The following GABRG3 variants were observed in gnomAD, a reference collection of about 807,000 sequenced individuals.
GABRG3 encodes the protein gamma-aminobutyric acid receptor subunit gamma-3.
A neutral mutation model predicts 48.8 loss-of-function variants in GABRG3; 25 were observed. The observed-to-expected ratio is 0.51, with a 90% confidence interval of 0.37 to 0.72. The LOEUF is 0.72. Among genes scored for constraint, GABRG3 ranks in the 30% least tolerant of loss-of-function variants. The probability of loss-of-function intolerance (pLI) is 0.00; values close to 1 mark genes in which losing one functional copy is unlikely to be tolerated. For missense variants in GABRG3, 394 were observed against 577.9 expected, an observed-to-expected ratio of 0.68 and a Z score of 3.26; for synonymous variants, 227 against 217.6, an observed-to-expected ratio of 1.04 and a Z score of -0.38.
chr15:27,442,366 G>A (rs1042671785), intron 5 of GABRG3, among the ~76,000 whole-genome samples: 3 of 152,226 alleles, frequency 2.0e-5, no homozygotes. Context: ...GCAATGCCTG[G>A]GCAGTTCTGA....
At chr15:27,127,106 G>A (rs1897834500) in intron 3 of GABRG3, among the ~76,000 whole-genome samples, 1 of 152,150 alleles carries the variant, frequency 6.6e-6, no homozygotes, top group South Asian at 2.1e-4. Flanking sequence ...ACTTCTAAGT[G>A]TATATACAAA....
intron 3 of GABRG3, among the ~76,000 whole-genome samples, chr15:27,147,670 A>C (rs1355558031): frequency 1.3e-5 from 2 of 152,064 alleles, no homozygotes; most frequent in African/African-American, 4.8e-5. Flanking sequence ...CAACAGAAAG[A>C]AATTTGGAGA....
intron 3 of GABRG3, among the ~76,000 whole-genome samples, chr15:27,129,780 G>T (rs1897885026): frequency 1.3e-5 from 2 of 149,938 alleles, no homozygotes; most frequent in African/African-American, 4.9e-5. Flanking sequence ...GTTTTGATTT[G>T]CATTTTCCTA....
intron 5 of GABRG3, among the ~76,000 whole-genome samples, chr15:27,404,490 A>T (rs1156235027): frequency 6.6e-6 from 1 of 152,178 alleles, no homozygotes. Flanking sequence ...GATACCCCAC[A>T]TAGCTCTAGA....
chr15:27,247,793 GATTCCCCTT>G (rs1364477157), intron 3 of GABRG3, among the ~76,000 whole-genome samples: 1 of 152,146 alleles, frequency 6.6e-6, no homozygotes, highest in Non-Finnish European at 1.5e-5. Context: ...AGTAAAACAA[GATTCCCCTT>G]ATCAAACCAT....
intron 3 of GABRG3, among the ~76,000 whole-genome samples, chr15:27,134,862 C>T (rs1303991729): frequency 6.6e-6 from 1 of 152,186 alleles, no homozygotes; most frequent in African/African-American, 2.4e-5. Context: ...TCCCCTGAAG[C>T]TAGGGATCCT....
At position 27,187,535 on chromosome 15, in the gene GABRG3, AT is replaced by A. The variant is rs149982510; in HGVS notation, c.271-139273del. On this transcript the variant is annotated intron_variant, in intron 3 of 9. Coordinates refer to ENST00000615808, the MANE Select transcript of GABRG3 (RefSeq NM_033223.5). ...TTAATGATACTGACTTTTCCAATCC[AT>A]GAGCATGGGATGTTTGTCCATTTGT... Among the ~76,000 whole-genome samples the A allele has an allele frequency of 9.3e-3, 1,415 of 152,242 alleles. 15 individuals carry two copies. Among genetic ancestry groups the A allele is most frequent in the African/African-American group, 0.033 (1,362 of 41,534 alleles).
Position 27,539,328 on chromosome 15 carries a change from G to A in GABRG3, c.*6447G>A, listed in dbSNP as rs977056256. ...GCTGACATGATTTTCCTTTTGGGTG[G>A]ATTGGAGTTTTACAACTGGATTCAT... On this transcript the variant is annotated 3_prime_UTR_variant, in exon 10 of 10. Transcript: ENST00000615808. 2 of 152,176 alleles carry A rather than the reference G, an allele frequency of 1.3e-5. No individual in the cohort carries two copies. Among genetic ancestry groups the A allele is most frequent in the African/African-American group, 4.8e-5 (2 of 41,440 alleles). 9.4% of individuals were successfully genotyped at this position (152,176 alleles called of 1,614,324 possible).
intron 3 of GABRG3, among the ~76,000 whole-genome samples, chr15:27,176,326 T>C (rs1276445174): frequency 6.6e-6 from 1 of 152,216 alleles, no homozygotes; most frequent in Non-Finnish European, 1.5e-5. Flanking sequence ...ATTGTGCTTA[T>C]TAGCACCAAA....
intron 3 of GABRG3, among the ~76,000 whole-genome samples, chr15:27,111,127 A>G (rs1490694178): frequency 6.6e-6 from 1 of 151,350 alleles, no homozygotes; most frequent in Admixed American, 6.6e-5. Context: ...TGCAGTTTCT[A>G]TTTACTTATG....
chr15:27,066,235 T>G (rs1896735697), intron 3 of GABRG3, among the ~76,000 whole-genome samples: 1 of 152,220 alleles, frequency 6.6e-6, no homozygotes, highest in Non-Finnish European at 1.5e-5. Flanking sequence ...CATACAAACC[T>G]CACTCAATAC....
intron 3 of GABRG3, among the ~76,000 whole-genome samples, chr15:27,171,621 G>A (rs538434775): frequency 6.6e-6 from 1 of 151,466 alleles, no homozygotes; most frequent in South Asian, 2.1e-4. Flanking sequence ...ATAATAGAAA[G>A]AAAAATATAT....
chr15:27,422,678 G>C (rs1026317940), intron 5 of GABRG3, among the ~76,000 whole-genome samples: 2 of 152,148 alleles, frequency 1.3e-5, no homozygotes, highest in African/African-American at 4.8e-5. Flanking sequence ...GGGTTTCTTT[G>C]TCATACTGTT....
chr15:27,141,334 A>G (rs747387501), intron 3 of GABRG3, among the ~76,000 whole-genome samples: 2 of 152,190 alleles, frequency 1.3e-5, no homozygotes, highest in African/African-American at 2.4e-5. Context: ...TCCAAGGTGC[A>G]AGGAAGATTG....
chr15:27,440,273 C>G (rs888810268), intron 5 of GABRG3, among the ~76,000 whole-genome samples: 7 of 152,190 alleles, frequency 4.6e-5, no homozygotes, highest in Non-Finnish European at 1.0e-4. Flanking sequence ...GAGGATATTC[C>G]TGAGCCATTG....
Position 27,308,239 on chromosome 15 carries a change from AAC to A in GABRG3, c.271-18568_271-18567del, listed in dbSNP as rs1195220177. Among the ~76,000 whole-genome samples the A allele has an allele frequency of 7.3e-4, 103 of 140,728 alleles. 4 individuals are homozygous for A. The highest frequency in any genetic ancestry group is 2.5e-3 in the African/African-American group (96 of 38,062). The allele number at this position is 140,728 out of a possible 152,430, so 92.3% of individuals were successfully genotyped here. ...ATATATAAACATGTTTATATATCCA[AAC>A]ATATATAAACATACGTTTATATATA... On this transcript the variant is annotated intron_variant, in intron 3 of 9. Transcript: ENST00000615808.
At chr15:27,183,123 T>A (rs1453324071) in intron 3 of GABRG3, among the ~76,000 whole-genome samples, 2 of 150,450 alleles carry the variant, frequency 1.3e-5, no homozygotes, top group African/African-American at 4.9e-5. Context: ...TTTTTTTCAA[T>A]TTTTTTTTCC....
intron 3 of GABRG3, among the ~76,000 whole-genome samples, chr15:27,292,537 C>A (rs915970461): frequency 6.6e-6 from 1 of 151,928 alleles, no homozygotes; most frequent in African/African-American, 2.4e-5. Context: ...TGTATAACCA[C>A]ATATTATGTA....
rs58602139 is a variant in GABRG3 at position 27,487,384 on chromosome 15, C to G, written c.712+6597C>G. ...TTATGGTTTTTATTTGGCTCTCGCT[C>G]TATACTTTGAGCAAGGTGGGACATG... On this transcript the variant is annotated intron_variant, in intron 6 of 9. Coordinates refer to ENST00000615808, the MANE Select transcript of GABRG3 (RefSeq NM_033223.5). Among the ~76,000 whole-genome samples, 207 of 152,238 alleles carry G rather than the reference C, an allele frequency of 1.4e-3. 5 individuals are homozygous for G. In the East Asian group the frequency reaches 0.037, roughly 28 times the overall value.
Sources: allele counts gnomAD v4.1 joint callset (sites outside exome capture counted in the v4.1 genomes callset), GRCh38; gene constraint gnomAD v4.1.1; transcripts MANE v1.5; gene names NCBI Gene and HGNC (gene_info 2026-07-23, HGNC 2026-07-21).